Variants in LAMTOR4 observed in about 807,000 individuals in gnomAD.
LAMTOR4 encodes the protein ragulator complex protein LAMTOR4.
In LAMTOR4, 11 loss-of-function variants were observed where a neutral mutation model predicts 13.5. The observed-to-expected ratio is 0.82, with a 90% CI of 0.51 to 1.35. LAMTOR4 has a LOEUF of 1.35. LAMTOR4 is among the 40% of genes most tolerant of loss of function. The pLI is 0.00. For missense variants in LAMTOR4, 128 were observed against 126.2 expected (o/e 1.01, Z -0.07); for synonymous variants, 69 against 52.3 (o/e 1.32, Z -1.38).
rs758312372 is a variant in LAMTOR4, at chr7:100,153,257, GGTT to G, written c.85-139_85-137del. ...GACAACATTATAGGGGGAGATTTCA[GGTT>G]GTTTTTTTCCAAAGCTGAGGGTACT... is the stretch of plus-strand genomic sequence containing the variant. On this transcript the variant is annotated intron_variant, in intron 2 of 3. Transcript: ENST00000341942. 710 of 669,786 alleles carry G rather than the reference GGTT, an allele frequency of 1.1e-3. 2 individuals are homozygous for G. The African/African-American group carries it at 0.011, about 11-fold the overall frequency. 41.5% of individuals were successfully genotyped at this position (669,786 alleles called of 1,614,324 possible).
intron 2 of LAMTOR4, among the ~76,000 whole-genome samples, chr7:100,151,640 G>A (rs189665712): frequency 5.1e-4 from 76 of 150,010 alleles, no homozygotes; most frequent in Middle Eastern, 3.7e-3. Flanking sequence ...CGCCTACCTC[G>A]GCCTCCCAAA....
At chr7:100,153,236 A>G (rs951374257) in intron 2 of LAMTOR4, among the ~76,000 whole-genome samples, 164 bp from the exon 3 acceptor site, 6 of 148,512 alleles carry the variant, frequency 4.0e-5, no homozygotes, top group Non-Finnish European at 9.2e-5. Flanking sequence ...GAGGGTGACA[A>G]CATTATAGGG....
intron 2 of LAMTOR4, among the ~76,000 whole-genome samples, chr7:100,152,088 A>G (rs1798722587): frequency 6.6e-6 from 1 of 152,164 alleles, no homozygotes; most frequent in Non-Finnish European, 1.5e-5. Context: ...TGTAGCCAGA[A>G]CTCTAAAGCC....
At chr7:100,153,738 C>A in intron 3 of LAMTOR4, 129 bp from the exon 4 acceptor site, 2 of 776,942 alleles carry the variant, frequency 2.6e-6, no homozygotes, top group Non-Finnish European at 4.5e-6. Flanking sequence ...GAGCCTGGAA[C>A]TATAGAACTT....
chr7:100,151,054 G>T (rs548746111), intron 2 of LAMTOR4, among the ~76,000 whole-genome samples: 1 of 151,816 alleles, frequency 6.6e-6, no homozygotes, highest in African/African-American at 2.4e-5. Context: ...AGCAAGGAGA[G>T]AAGAGTTTTG....
chr7:100,149,028 TC>T, intron 1 of LAMTOR4, 53 bp downstream of exon 1: 1 of 1,590,390 alleles, frequency 6.3e-7, no homozygotes. Flanking sequence ...GCGTCTCTGC[TC>T]CCCAGTCTGT....
rs1059875 is a variant in LAMTOR4 at position 100,154,055 on chromosome 7, G to C, written c.*91G>C. 1.0e-6 allele frequency: 1 copy of C among 975,740 alleles called. No individual in the cohort carries two copies. The highest frequency in any genetic ancestry group is 1.6e-6 in the Non-Finnish European group (1 of 626,798). The allele number at this position is 975,740 out of a possible 1,614,324, so 60.4% of individuals were successfully genotyped here. A position where few individuals can be genotyped will look rare whatever the true frequency, so the allele number is the denominator to read the frequency against. On this transcript the variant is annotated 3_prime_UTR_variant, in exon 4 of 4. Transcript: ENST00000341942. ...ACCTGTCGGTCTTGGCTTGCTGCTA[G>C]AACTAGGGCCTTCTGCTCGCCCACC... is the stretch of plus-strand genomic sequence containing the variant.
At chr7:100,153,823 C>A in intron 3 of LAMTOR4, 44 bp from the exon 4 acceptor site, 2 of 1,378,910 alleles carry the variant, frequency 1.5e-6, no homozygotes, top group South Asian at 2.5e-5. Flanking sequence ...ACTCTGTGCT[C>A]CCTTCCCTCT....
Position 100,148,920 on chromosome 7 carries a change from G to T in LAMTOR4, c.-53G>T. ...GGCTGCAAGCACGTGACCGGGGCCTGAAGCCGGAAGCTACCTATCTGGTAG... is the reference window on the plus strand; with the variant it reads ...GGCTGCAAGCACGTGACCGGGGCCTTAAGCCGGAAGCTACCTATCTGGTAG... On this transcript the variant is annotated 5_prime_UTR_variant, in exon 1 of 4. Transcript: ENST00000341942. 1.2e-6 allele frequency: 2 copies of T among 1,610,980 alleles called. No individual in the cohort carries two copies. The highest frequency in any genetic ancestry group is 1.7e-6 in the Non-Finnish European group (2 of 1,179,610).
chr7:100,150,701 C>T (rs79810375), intron 2 of LAMTOR4, among the ~76,000 whole-genome samples: 5,254 of 152,128 alleles, frequency 0.035, 326 homozygotes, highest in African/African-American at 0.12. Context: ...AGAGATGAGA[C>T]TGGGCTGGGC....
In LAMTOR4 at chr7:100,153,895, G is replaced by A; in HGVS notation, c.231G>A (p.Val77=). Residue 77 remains valine (V), a synonymous_variant, in exon 4 of 4, where the codon GTG becomes GTA. Transcript: ENST00000341942. ...SVVFGEHTLL[V]TVSGQRVFVV... is the part of the protein sequence containing the mutation. ...TCTTTGGAGAACACACACTGCTGGT[G>A]ACGGTGTCAGGACAGAGGGTGTTTG... 6.3e-7 allele frequency: 1 copy of A among 1,590,340 alleles called. No homozygotes were observed. Among genetic ancestry groups the A allele is most frequent in the Non-Finnish European group, 8.6e-7 (1 of 1,168,718 alleles).
At chr7:100,149,638 A>T in intron 2 of LAMTOR4, 59 bp downstream of exon 2, 1 of 1,264,664 alleles carries the variant, frequency 7.9e-7, no homozygotes. Context: ...ACCCCTTCTA[A>T]TATTGGCCCT....
At chr7:100,153,781 GC>G (rs565571112) in intron 3 of LAMTOR4, 85 bp from the exon 4 acceptor site, 10,198 of 964,182 alleles carry the variant, frequency 0.011, 113 homozygotes, top group Middle Eastern at 0.015. Context: ...TGTGCGTGTG[GC>G]CCCGCCCCAT....
chr7:100,153,291 G>C (rs1798764757), intron 2 of LAMTOR4, 109 bp from the exon 3 acceptor site: 3 of 777,188 alleles, frequency 3.9e-6, no homozygotes, highest in Non-Finnish European at 6.4e-6. Flanking sequence ...GTACTGGCAA[G>C]CCAAGGGGGA....
chr7:100,149,857 C>T (rs1191864035), intron 2 of LAMTOR4: 6 of 261,258 alleles, frequency 2.3e-5, no homozygotes, highest in African/African-American at 1.1e-4. Context: ...CTCACTGCAA[C>T]CTCCGCCTCC....
At chr7:100,149,277 G>A (rs562529576) in intron 1 of LAMTOR4, 26 of 610,036 alleles carry the variant, frequency 4.3e-5, no homozygotes, top group Non-Finnish European at 7.3e-5. Flanking sequence ...GGTGGGATGT[G>A]GAAGGCCAGG....
intron 2 of LAMTOR4, among the ~76,000 whole-genome samples, chr7:100,150,194 A>G (rs1452587039): frequency 6.6e-6 from 1 of 152,160 alleles, no homozygotes; most frequent in African/African-American, 2.4e-5. Context: ...TATTTCTTAA[A>G]GAGGCATTTG....
At chr7:100,149,042 G>T (rs1798614261) in intron 1 of LAMTOR4, 67 bp downstream of exon 1, 1 of 1,572,874 alleles carries the variant, frequency 6.4e-7, no homozygotes, top group African/African-American at 1.3e-5. Context: ...CAGTCTGTGT[G>T]GTTTCCCCCT....
chr7:100,154,179 A>G lies in LAMTOR4; in HGVS notation c.*215A>G, dbSNP rs1798815826. On this transcript the variant is annotated 3_prime_UTR_variant, in exon 4 of 4. Coordinates refer to ENST00000341942, the MANE Select transcript of LAMTOR4 (RefSeq NM_001008395.4). Reference sequence around the variant, plus strand: ...TCCCTTTGTGCTCCCTCACTCCCTAATAAACATGAGTCTGATGTTCTCCAG... The same window carrying G: ...TCCCTTTGTGCTCCCTCACTCCCTAGTAAACATGAGTCTGATGTTCTCCAG... 1 of 546,852 alleles carries G rather than the reference A, an allele frequency of 1.8e-6. No individual in the cohort carries two copies. Among genetic ancestry groups the G allele is most frequent in the Admixed American group, 3.1e-5 (1 of 32,518 alleles). The allele number at this position is 546,852 out of a possible 1,614,324, so 33.9% of individuals were successfully genotyped here. A position where few individuals can be genotyped will look rare whatever the true frequency, so the allele number is the denominator to read the frequency against.
Sources: gnomAD v4.1 joint callset for allele counts (sites outside exome capture counted in the v4.1 genomes callset) on GRCh38, gnomAD v4.1.1 for gene constraint, MANE v1.5 for transcripts, NCBI Gene and HGNC (gene_info 2026-07-23, HGNC 2026-07-21) for gene names.